Variants in CLHC1 observed in about 807,000 individuals in gnomAD.
The protein encoded by CLHC1 is clathrin heavy chain linker domain-containing protein 1.
A neutral mutation model predicts 69.5 loss-of-function variants in CLHC1; 72 were observed. The ratio of observed to expected loss-of-function variants is 1.04; its 90% confidence interval spans 0.86 to 1.26. The LOEUF (loss-of-function observed/expected upper bound fraction) is 1.26. Among genes scored for constraint, CLHC1 ranks in the 50% most tolerant of loss-of-function variants. CLHC1 has a pLI of 0.00. For missense variants in CLHC1, 790 were observed against 679.3 expected (o/e 1.16, Z -1.81); for synonymous variants, 223 against 224.3 (o/e 0.99, Z 0.05).
At chr2:55,196,951 C>G (rs1671483298) in intron 9 of CLHC1, among the ~76,000 whole-genome samples, 2 of 152,200 alleles carry the variant, frequency 1.3e-5, no homozygotes, top group South Asian at 2.1e-4. Flanking sequence ...CTAGCCTGAA[C>G]TAGAGGGGAG....
chr2:55,184,919 AACACACACACACACACACAC>A (rs561837633), intron 9 of CLHC1, among the ~76,000 whole-genome samples: 7 of 126,098 alleles, frequency 5.6e-5, no homozygotes, highest in Admixed American at 4.1e-4. Context: ...AAAAAAACAA[AACACACACACACACACACAC>A]ACACACACAC....
rs781286494 is a variant in CLHC1 at position 55,212,661 on chromosome 2, A to G, written c.499+12T>C. 7.1e-5 allele frequency: 112 copies of G among 1,579,742 alleles called. 1 individual carries two copies. The highest frequency in any genetic ancestry group is 1.7e-6 in the Non-Finnish European group (2 of 1,154,044). ...AGGATTTCTCTCAAATATTTTAAACAAAATACAATACCTGGAATAGGTTTT... is the reference window on the plus strand; with the variant it reads ...AGGATTTCTCTCAAATATTTTAAACGAAATACAATACCTGGAATAGGTTTT... On this transcript the variant is annotated intron_variant, in intron 5 of 12. Transcript: ENST00000401408.
chr2:55,214,735 A>G (rs1673333390), intron 4 of CLHC1: 1 of 152,256 alleles, frequency 6.6e-6, no homozygotes, highest in South Asian at 2.1e-4. Context: ...AGAAACTGAA[A>G]GCAGATACTT....
rs183580746 is a variant in CLHC1, at chr2:55,197,662, T to A, written c.1006+8608A>T. ...ACCTCTAATGCAGATATGGTTGCAG[T>A]AACCAAAAATTTAGATCACAACACC... On this transcript the variant is annotated intron_variant, in intron 9 of 12. Transcript: ENST00000401408. 3.8e-3 allele frequency among the ~76,000 whole-genome samples: 577 copies of A among 152,276 alleles called. 5 individuals carry two copies. The highest frequency in any genetic ancestry group is 6.5e-3 in the Non-Finnish European group (443 of 68,016).
intron 12 of CLHC1, 53 bp from the exon 13 acceptor site, chr2:55,176,039 CTTTA>C (rs1669362342): frequency 1.4e-6 from 2 of 1,406,462 alleles, no homozygotes; most frequent in African/African-American, 2.9e-5. Context: ...ATAATCTATA[CTTTA>C]GTGATTCTTC....
chr2:55,190,670 G>A (rs1670839126), intron 9 of CLHC1, among the ~76,000 whole-genome samples: 1 of 152,072 alleles, frequency 6.6e-6, no homozygotes, highest in Non-Finnish European at 1.5e-5. Context: ...TTTAAAAACA[G>A]CAATAGAAAA....
intron 9 of CLHC1, among the ~76,000 whole-genome samples, chr2:55,184,634 C>T (rs761986822): frequency 1.6e-4 from 25 of 151,952 alleles, no homozygotes; most frequent in Non-Finnish European, 2.8e-4. Context: ...AGGCCAGGCG[C>T]GGTGGCTCAC....
chr2:55,217,224 C>T (rs552105088), intron 4 of CLHC1, among the ~76,000 whole-genome samples: 1 of 150,634 alleles, frequency 6.6e-6, no homozygotes, highest in Non-Finnish European at 1.5e-5. Flanking sequence ...ACTGCCCACT[C>T]TTGCCTTTTT....
intron 9 of CLHC1, among the ~76,000 whole-genome samples, chr2:55,190,495 T>G (rs959549133): frequency 6.6e-6 from 1 of 152,210 alleles, no homozygotes; most frequent in Non-Finnish European, 1.5e-5. Context: ...ATAACTGTAT[T>G]ATTTCACACT....
chr2:55,220,754 T>A (rs1214609373), intron 3 of CLHC1, among the ~76,000 whole-genome samples: 1 of 152,218 alleles, frequency 6.6e-6, no homozygotes, highest in East Asian at 1.9e-4. Context: ...GACTTTCCTT[T>A]GCTAATTTCA....
intron 9 of CLHC1, among the ~76,000 whole-genome samples, chr2:55,202,906 A>G (rs977063823): frequency 4.6e-5 from 7 of 152,058 alleles, no homozygotes; most frequent in Non-Finnish European, 7.4e-5. Flanking sequence ...TCAAAAAAAA[A>G]AAAAAAAAAC....
At position 55,175,725 on chromosome 2, in the gene CLHC1, C is replaced by T; in HGVS notation, c.*65G>A. The T allele has an allele frequency of 9.2e-7, 1 of 1,087,986 alleles. No homozygotes were observed. Among genetic ancestry groups the T allele is most frequent in the African/African-American group, 1.6e-5 (1 of 63,426 alleles). The allele number at this position is 1,087,986 out of a possible 1,614,324, so 67.4% of individuals were successfully genotyped here. The stretch of plus-strand genomic sequence containing the variant: ...ATTTATAAGTTAGTTACGTTAAAAT[C>T]AGTTTTTCCCAACCAGCATACATAA... On this transcript the variant is annotated 3_prime_UTR_variant, in exon 13 of 13. Transcript: ENST00000401408.
intron 7 of CLHC1, among the ~76,000 whole-genome samples, chr2:55,209,120 G>A (rs551991784): frequency 4.0e-5 from 6 of 151,850 alleles, no homozygotes; most frequent in African/African-American, 7.3e-5. Context: ...TGATCTGCCC[G>A]TCTCAGCCTC....
intron 9 of CLHC1, among the ~76,000 whole-genome samples, chr2:55,192,999 T>C (rs1314077321): frequency 6.6e-6 from 1 of 151,290 alleles, no homozygotes; most frequent in African/African-American, 2.4e-5. Flanking sequence ...CAAGCGATTC[T>C]CCTGCCTCAG....
intron 10 of CLHC1, 48 bp from the exon 11 acceptor site, chr2:55,180,760 G>C: frequency 6.8e-7 from 1 of 1,473,186 alleles, no homozygotes; most frequent in South Asian, 1.1e-5. Flanking sequence ...TTCCTGATGA[G>C]TGGCTGAGAC....
Position 55,175,799 on chromosome 2 carries a change from C to G in CLHC1, c.1752G>C (p.Val584=), listed in dbSNP as rs768658002. The G allele has an allele frequency of 6.2e-7, 1 of 1,613,674 alleles. No homozygotes were observed. The highest frequency in any genetic ancestry group is 1.1e-5 in the South Asian group (1 of 91,050). ...TGGTTAAGATATAGAACTACCAAAA[C>G]ACATGTTCCATTAGGTTGACTGCGT... The part of the protein sequence containing the change: ...EDDAVNLMEH[V]FW Residue 584 remains valine (V), a synonymous_variant, in exon 13 of 13, where the codon GTG becomes GTC. Coordinates refer to ENST00000401408, the MANE Select transcript of CLHC1 (RefSeq NM_152385.4).
At chr2:55,227,352 G>A (rs992664937) in intron 2 of CLHC1, among the ~76,000 whole-genome samples, 1 of 151,616 alleles carries the variant, frequency 6.6e-6, no homozygotes, top group Non-Finnish European at 1.5e-5. Context: ...TTATGATCTA[G>A]TAGGGGAGAC....
chr2:55,199,992 G>C (rs1439116148), intron 9 of CLHC1, among the ~76,000 whole-genome samples: 1 of 152,058 alleles, frequency 6.6e-6, no homozygotes, highest in East Asian at 1.9e-4. Context: ...GGGAGGCCAA[G>C]GCAGGAGGAT....
At chr2:55,214,146 C>T (rs1673267159) in intron 4 of CLHC1, among the ~76,000 whole-genome samples, 1 of 152,106 alleles carries the variant, frequency 6.6e-6, no homozygotes. Flanking sequence ...TTCAGGAGAG[C>T]CTGAGTAAAA....
Sources: gnomAD v4.1 joint callset for allele counts (sites outside exome capture counted in the v4.1 genomes callset) on GRCh38, gnomAD v4.1.1 for gene constraint, MANE v1.5 for transcripts, NCBI Gene and HGNC (gene_info 2026-07-23, HGNC 2026-07-21) for gene names.